ROBO1: variants seen among roughly 807,000 people sequenced by gnomAD.
The protein encoded by ROBO1 is roundabout guidance receptor 1.
A neutral mutation model predicts 195.9 loss-of-function variants in ROBO1; 149 were observed. That is an observed-to-expected ratio of 0.76 (90% CI 0.67 to 0.87). The LOEUF (loss-of-function observed/expected upper bound fraction) is 0.87, where lower values mean the gene tolerates loss of function less well. Among genes scored for constraint, ROBO1 ranks in the 40% least tolerant of loss-of-function variants. The pLI is 0.00. For synonymous variants in ROBO1, 816 were observed against 733.2 expected, an observed-to-expected ratio of 1.11 and a Z score of -1.82; for missense variants, 1,933 against 2,068.3, an observed-to-expected ratio of 0.93 and a Z score of 1.27.
At chr3:79,581,875 T>C (rs1227413142) in intron 2 of ROBO1, among the ~76,000 whole-genome samples, 1 of 152,074 alleles carries the variant, frequency 6.6e-6, no homozygotes, top group Non-Finnish European at 1.5e-5. Flanking sequence ...ACAAATCATA[T>C]ATATACAACA....
At chr3:79,047,377 A>T (rs1366350163) in intron 3 of ROBO1, among the ~76,000 whole-genome samples, 1 of 152,110 alleles carries the variant, frequency 6.6e-6, no homozygotes, top group Non-Finnish European at 1.5e-5. Context: ...ACTGTTAAAA[A>T]AAAAGTGCCA....
chr3:78,875,435 G>C (rs1420216221), intron 4 of ROBO1, among the ~76,000 whole-genome samples: 1 of 151,806 alleles, frequency 6.6e-6, no homozygotes, highest in Non-Finnish European at 1.5e-5. Context: ...ATAAAGTCTG[G>C]GATCGTGACA....
chr3:78,683,782 C>T (rs1229942208), intron 10 of ROBO1, among the ~76,000 whole-genome samples: 2 of 151,548 alleles, frequency 1.3e-5, no homozygotes, highest in Non-Finnish European at 2.9e-5. Flanking sequence ...AAAATTAACT[C>T]AAGGTAGATA....
intron 2 of ROBO1, among the ~76,000 whole-genome samples, chr3:79,492,283 G>A (rs971110192): frequency 6.6e-6 from 1 of 151,998 alleles, no homozygotes; most frequent in African/African-American, 2.4e-5. Context: ...AAATTAGCCA[G>A]GCGTGGTGGC....
chr3:78,677,791 C>G lies in ROBO1; in HGVS notation c.1343-7490G>C, dbSNP rs529280866. On this transcript the variant is annotated intron_variant, in intron 10 of 30. Coordinates refer to ENST00000464233, the MANE Select transcript of ROBO1 (RefSeq NM_002941.4). The stretch of plus-strand genomic sequence containing the variant: ...AAGACAGAAAGTTAACAAGCATACC[C>G]AGGAATTGAACTCAGCTCTGCACCA... 1.4e-4 allele frequency among the ~76,000 whole-genome samples: 21 copies of G among 152,236 alleles called. No homozygotes were observed. In the East Asian group the frequency reaches 3.5e-3, roughly 25 times the overall value.
chr3:78,955,689 C>T (rs967788433), intron 3 of ROBO1, among the ~76,000 whole-genome samples: 7 of 152,084 alleles, frequency 4.6e-5, no homozygotes, highest in Non-Finnish European at 1.0e-4. Flanking sequence ...TGTTATACTT[C>T]AATAACTCTT....
rs11287758 is a variant in ROBO1, at chr3:79,303,160, G to GTTT, written c.89-177624_89-177622dup. ...TTAATATATGAATTATCTCACATAGGTTTTTTTTTTTTTTTTTTTTTTTGG... is the reference window on the plus strand; with the variant it reads ...TTAATATATGAATTATCTCACATAGGTTTTTTTTTTTTTTTTTTTTTTTTTTGG... On this transcript the variant is annotated intron_variant, in intron 2 of 30. Coordinates refer to ENST00000464233, the MANE Select transcript of ROBO1 (RefSeq NM_002941.4). Among the ~76,000 whole-genome samples the GTTT allele has an allele frequency of 1.7e-5, 2 of 121,042 alleles. 1 individual carries two copies. The highest frequency in any genetic ancestry group is 3.2e-5 in the Non-Finnish European group (2 of 61,750). 79.4% of individuals were successfully genotyped at this position (121,042 alleles called of 152,430 possible). A position where few individuals can be genotyped will look rare whatever the true frequency, so the allele number is the denominator to read the frequency against.
In ROBO1 at chr3:78,938,820, G is replaced by A. The variant is rs369259928; in HGVS notation, c.280C>T (p.Arg94Cys). 12 of 1,613,822 alleles carry A rather than the reference G, an allele frequency of 7.4e-6. No homozygotes were observed. Among genetic ancestry groups the A allele is most frequent in the South Asian group, 3.3e-5 (3 of 91,076 alleles). ...PATLNCKAEG[R>C]PTPTIEWYKG... Reference sequence around the variant, plus strand: ...TACCATTCAATAGTGGGTGTGGGGCGGCCTTCAGCTTTGCAGTTCAAAGTT... The same window carrying A: ...TACCATTCAATAGTGGGTGTGGGGCAGCCTTCAGCTTTGCAGTTCAAAGTT... The change falls in exon 4 of 31, where the codon CGC (arginine) becomes TGC (cysteine). Residue 94 changes from arginine to cysteine, a missense_variant. Physicochemically the swap from Arg to Cys is radical, Grantham distance 180 (BLOSUM62 -3). Transcript: ENST00000464233.
chr3:78,910,434 G>A (rs757839872), intron 4 of ROBO1, among the ~76,000 whole-genome samples: 4 of 151,854 alleles, frequency 2.6e-5, no homozygotes, highest in South Asian at 2.1e-4. Flanking sequence ...AGGAGAAAAC[G>A]TGGGAATGTT....
At chr3:78,611,661 G>C (rs981641736) in intron 28 of ROBO1, among the ~76,000 whole-genome samples, 7 of 152,160 alleles carry the variant, frequency 4.6e-5, no homozygotes, top group African/African-American at 1.7e-4. Flanking sequence ...GCACTGTTAT[G>C]GGCTGAATTG....
At chr3:78,729,313 T>C (rs903431416) in intron 5 of ROBO1, among the ~76,000 whole-genome samples, 3 of 152,172 alleles carry the variant, frequency 2.0e-5, no homozygotes, top group Non-Finnish European at 4.4e-5. Context: ...ATGATTTTCT[T>C]TGTGAAAGTA....
chr3:78,705,070 G>A (rs192282460), intron 8 of ROBO1, among the ~76,000 whole-genome samples: 1 of 152,204 alleles, frequency 6.6e-6, no homozygotes, highest in African/African-American at 2.4e-5. Context: ...TCCACTATAT[G>A]GACTACATGG....
chr3:79,569,689 G>GTA (rs751434363), intron 2 of ROBO1, among the ~76,000 whole-genome samples: 8 of 150,576 alleles, frequency 5.3e-5, no homozygotes, highest in South Asian at 4.2e-4. Context: ...ATGTGTGTGT[G>GTA]TATATATATA....
At chr3:78,987,372 G>C (rs1458771954) in intron 3 of ROBO1, among the ~76,000 whole-genome samples, 1 of 152,034 alleles carries the variant, frequency 6.6e-6, no homozygotes. Flanking sequence ...GATGGGGTTT[G>C]GGGCAGGGAG....
In ROBO1 at chr3:78,626,668, T is replaced by G. The variant is rs1162340895; in HGVS notation, c.3875+653A>C. Among the ~76,000 whole-genome samples the G allele has an allele frequency of 3.3e-5, 5 of 151,988 alleles. No individual in the cohort carries two copies. The East Asian group carries it at 9.7e-4, about 29-fold the overall frequency. On this transcript the variant is annotated intron_variant, in intron 26 of 30. Transcript: ENST00000464233. ...GCTTTTATGTGGTAGAAATGCGAAG[T>G]GAAGCCATTGTATATAACAAATACG...
intron 2 of ROBO1, among the ~76,000 whole-genome samples, chr3:79,379,782 G>C (rs1418743839): frequency 6.6e-6 from 1 of 152,020 alleles, no homozygotes. Context: ...TTGCCACCAG[G>C]CGACAAAAAT....
chr3:78,680,331 T>A (rs936156090), intron 10 of ROBO1, among the ~76,000 whole-genome samples: 1 of 152,054 alleles, frequency 6.6e-6, no homozygotes, highest in African/African-American at 2.4e-5. Flanking sequence ...AATTGACAAA[T>A]GGGATCTAAT....
rs1002179747 is a variant in ROBO1, at chr3:79,734,085, T to C, written c.-51+33667A>G. 5.9e-5 allele frequency among the ~76,000 whole-genome samples: 9 copies of C among 152,004 alleles called. No individual in the cohort carries two copies. The East Asian group carries it at 1.4e-3, about 23-fold the overall frequency. ...GCCTCAGCCTTCTGAGTAGCTGGGA[T>C]TACAGGTGTGCACTACCATGCCTGG... On this transcript the variant is annotated intron_variant, in intron 1 of 30. Transcript: ENST00000464233.
rs1306306674 is a variant in ROBO1 at position 78,636,203 on chromosome 3, G to GT, written c.3038-96dup. On this transcript the variant is annotated intron_variant, in intron 22 of 30. Transcript: ENST00000464233. ...TAGCTTTGCGAGTCATCAGAAAATC[G>GT]TTATGTAAAGTACAAGTGGGCTTAA... 28 of 830,948 alleles carry GT rather than the reference G, an allele frequency of 3.4e-5. No individual in the cohort carries two copies. The African/African-American group carries it at 4.5e-4, about 13-fold the overall frequency. 51.5% of individuals were successfully genotyped at this position (830,948 alleles called of 1,614,324 possible).
Sources: allele counts gnomAD v4.1 joint callset (sites outside exome capture counted in the v4.1 genomes callset), GRCh38; gene constraint gnomAD v4.1.1; transcripts MANE v1.5; gene names NCBI Gene and HGNC (gene_info 2026-07-23, HGNC 2026-07-21).